Variants in SRC observed in about 807,000 individuals in gnomAD.
SRC encodes the protein proto-oncogene tyrosine-protein kinase Src.
Under a neutral mutation model 62.9 loss-of-function variants are expected in SRC, and 13 were observed. That is an observed-to-expected ratio of 0.21 (90% CI 0.13 to 0.33). The LOEUF (loss-of-function observed/expected upper bound fraction) is 0.33, where lower values mean the gene tolerates loss of function less well. Among genes scored for constraint, SRC ranks in the 10% least tolerant of loss-of-function variants. The pLI is 1.00. For missense variants in SRC, 457 were observed against 737.3 expected, an observed-to-expected ratio of 0.62 and a Z score of 4.40; for synonymous variants, 302 against 317.5, an observed-to-expected ratio of 0.95 and a Z score of 0.52.
chr20:37,395,833 G>T (rs2070636576), intron 7 of SRC, among the ~76,000 whole-genome samples: 2 of 152,256 alleles, frequency 1.3e-5, no homozygotes, highest in Non-Finnish European at 2.9e-5. Context: ...GCAGCCCTGG[G>T]AGCACCCGCA....
At position 37,384,572 on chromosome 20, in the gene SRC, G is replaced by C. The variant is rs905897763; in HGVS notation, c.250+169G>C. ...GGGTGGGGGGGCGGCCGTACACACTGTGAAGCGTCCGCGCCGCCGCCGCTG... is the reference window on the plus strand; with the variant it reads ...GGGTGGGGGGGCGGCCGTACACACTCTGAAGCGTCCGCGCCGCCGCCGCTG... On this transcript the variant is annotated intron_variant, in intron 4 of 13. Coordinates refer to ENST00000373578, the MANE Select transcript of SRC (RefSeq NM_198291.3). This position sits in a 1 kb window ranked among gnomAD's most constrained non-coding sequence, Gnocchi z 6.7. Among the ~76,000 whole-genome samples, 2 of 151,802 alleles carry C rather than the reference G, an allele frequency of 1.3e-5. No individual in the cohort carries two copies. Among genetic ancestry groups the C allele is most frequent in the Non-Finnish European group, 2.9e-5 (2 of 67,998 alleles).
intron 2 of SRC, among the ~76,000 whole-genome samples, chr20:37,375,909 T>C (rs374205511): frequency 6.6e-6 from 1 of 152,224 alleles, no homozygotes; most frequent in South Asian, 2.1e-4. Context: ...CTTCTTAATG[T>C]GTCCTCACAT....
At chr20:37,353,030 A>G (rs2069829654) in intron 1 of SRC, among the ~76,000 whole-genome samples, 1 of 152,154 alleles carries the variant, frequency 6.6e-6, no homozygotes, top group Non-Finnish European at 1.5e-5. Context: ...TCTGCCTTAG[A>G]TGACAAGTCA....
At chr20:37,353,179 C>G (rs1047010666) in intron 1 of SRC, among the ~76,000 whole-genome samples, 1 of 152,146 alleles carries the variant, frequency 6.6e-6, no homozygotes, top group Non-Finnish European at 1.5e-5. Context: ...ACAGAACCAC[C>G]GTAATAAACT....
intron 1 of SRC, among the ~76,000 whole-genome samples, chr20:37,361,135 TA>T (rs1328214397): frequency 6.6e-6 from 1 of 150,532 alleles, no homozygotes; most frequent in Non-Finnish European, 1.5e-5. Flanking sequence ...TGGTGGAGCT[TA>T]GGGGGGGAAG....
rs868375083 is a variant in SRC at position 37,396,644 on chromosome 20, G to T, written c.703+333G>T. On this transcript the variant is annotated intron_variant, in intron 8 of 13. Transcript: ENST00000373578. This position sits in a 1 kb window ranked among gnomAD's most constrained non-coding sequence, Gnocchi z 6.1. Reference sequence around the variant, plus strand: ...AGCTGGAAGGGAGGGGACAGAGGCTGGTGTCATTTGTCTCTGTAGCCCTAG... The same window carrying T: ...AGCTGGAAGGGAGGGGACAGAGGCTTGTGTCATTTGTCTCTGTAGCCCTAG... 1.0e-4 allele frequency: 38 copies of T among 362,420 alleles called. No homozygotes were observed. Among genetic ancestry groups the T allele is most frequent in the African/African-American group, 6.4e-4 (31 of 48,644 alleles). 22.5% of individuals were successfully genotyped at this position (362,420 alleles called of 1,614,324 possible). A position where few individuals can be genotyped will look rare whatever the true frequency, so the allele number is the denominator to read the frequency against.
intron 2 of SRC, among the ~76,000 whole-genome samples, chr20:37,368,518 C>CTTTTTTTTTTTGTTTTTTTTTTTTTT (rs2070102019): frequency 1.4e-5 from 1 of 73,898 alleles, no homozygotes; most frequent in African/African-American, 4.3e-5. Flanking sequence ...CCTATATTTT[C>CTTTTTTTTTTTGTTTTTTTTTTTTTT]TTTTTTTTTT....
chr20:37,347,696 T>C (rs1298940275), intron 1 of SRC, among the ~76,000 whole-genome samples: 6 of 152,118 alleles, frequency 3.9e-5, no homozygotes, highest in Non-Finnish European at 7.3e-5. Flanking sequence ...ACTGGGCCAG[T>C]GGTAATGACA....
intron 5 of SRC, 98 bp downstream of exon 5, chr20:37,386,272 C>A: frequency 8.2e-7 from 1 of 1,213,216 alleles, no homozygotes; most frequent in Non-Finnish European, 1.2e-6. Flanking sequence ...CAGCACAGTG[C>A]AGAGCCCAGG....
intron 1 of SRC, among the ~76,000 whole-genome samples, chr20:37,363,145 G>A (rs561217363): frequency 2.0e-4 from 31 of 152,308 alleles, no homozygotes; most frequent in Non-Finnish European, 4.1e-4. Context: ...TGGAGATGAC[G>A]GTCCCTGACA....
At chr20:37,377,195 C>G (rs2070291280) in intron 2 of SRC, among the ~76,000 whole-genome samples, 1 of 152,224 alleles carries the variant, frequency 6.6e-6, no homozygotes, top group Non-Finnish European at 1.5e-5. Flanking sequence ...ATGATAATAA[C>G]AACAGTAAAC....
intron 2 of SRC, among the ~76,000 whole-genome samples, chr20:37,373,113 C>CAT (rs11472640): frequency 0.16 from 24,862 of 150,780 alleles, 3,701 homozygotes; most frequent in African/African-American, 0.4. Context: ...CATATATGTA[C>CAT]ACACACATAT....
intron 5 of SRC, among the ~76,000 whole-genome samples, chr20:37,393,536 C>G (rs1195118748): frequency 6.6e-6 from 1 of 152,200 alleles, no homozygotes; most frequent in African/African-American, 2.4e-5. Flanking sequence ...CCCTCCCTCC[C>G]AAGGCAGCTC....
chr20:37,367,579 A>G (rs1229799692), intron 2 of SRC, among the ~76,000 whole-genome samples: 2 of 151,796 alleles, frequency 1.3e-5, no homozygotes, highest in Non-Finnish European at 2.9e-5. Flanking sequence ...GCCTCAAGTG[A>G]TCACCCTGCC....
chr20:37,385,688 T>C (rs2070444065), intron 4 of SRC, among the ~76,000 whole-genome samples: 1 of 152,200 alleles, frequency 6.6e-6, no homozygotes, highest in South Asian at 2.1e-4. Context: ...CATTCACCGC[T>C]TCCTTCAGCC....
chr20:37,380,093 C>T (rs938263674), intron 2 of SRC, among the ~76,000 whole-genome samples: 3 of 151,798 alleles, frequency 2.0e-5, no homozygotes, highest in Non-Finnish European at 4.4e-5. Context: ...ATCTCAGGGC[C>T]TCAGTTTCCT....
intron 1 of SRC, among the ~76,000 whole-genome samples, chr20:37,349,785 G>A (rs1025723666): frequency 5.3e-5 from 8 of 152,228 alleles, no homozygotes; most frequent in Non-Finnish European, 5.9e-5. Flanking sequence ...GTGACTTTGA[G>A]TCCTGCCCTG....
chr20:37,403,614 G>A lies in SRC; in HGVS notation c.*235G>A, dbSNP rs574835430. On this transcript the variant is annotated 3_prime_UTR_variant, in exon 14 of 14. Transcript: ENST00000373578. This position sits in a 1 kb window ranked among gnomAD's most constrained non-coding sequence, Gnocchi z 7.1. ...GTGACTCTGTCCAGCTCCCGCTGTG[G>A]CCGCACGCCTCTCCCTGCACTCCCT... is the stretch of plus-strand genomic sequence containing the variant. 8 of 564,928 alleles carry A rather than the reference G, an allele frequency of 1.4e-5. No individual in the cohort carries two copies. The African/African-American group carries it at 1.5e-4, about 11-fold the overall frequency. 35.0% of individuals were successfully genotyped at this position (564,928 alleles called of 1,614,324 possible). A position where few individuals can be genotyped will look rare whatever the true frequency, so the allele number is the denominator to read the frequency against.
intron 1 of SRC, among the ~76,000 whole-genome samples, chr20:37,352,341 A>G (rs78759448): frequency 0.034 from 5,125 of 152,342 alleles, 304 homozygotes; most frequent in African/African-American, 0.12. Flanking sequence ...CTGCAGGCCA[A>G]CTGATCCGGA....
Sources: allele counts gnomAD v4.1 joint callset (sites outside exome capture counted in the v4.1 genomes callset), GRCh38; gene constraint gnomAD v4.1.1; non-coding constraint Gnocchi (gnomAD v3.1); transcripts MANE v1.5; gene names NCBI Gene and HGNC (gene_info 2026-07-23, HGNC 2026-07-21).